The following MAGI2 variants were observed in gnomAD, a reference collection of about 807,000 sequenced individuals.
MAGI2 encodes membrane-associated guanylate kinase, WW and PDZ domain-containing protein 2.
In MAGI2, 35 loss-of-function variants were observed where a neutral mutation model predicts 133.3. That is an observed-to-expected ratio of 0.26 (90% CI 0.20 to 0.35). The LOEUF (loss-of-function observed/expected upper bound fraction) is 0.35. MAGI2 is among the 10% of genes least tolerant of loss of function. The probability of loss-of-function intolerance (pLI) is 1.00; values close to 1 mark genes in which losing one functional copy is unlikely to be tolerated. For missense variants in MAGI2, 1,636 were observed against 1,863.4 expected (o/e 0.88, Z 2.25); for synonymous variants, 729 against 710.6 (o/e 1.03, Z -0.41).
chr7:79,028,297 GTATA>G (rs201592550), intron 1 of MAGI2, among the ~76,000 whole-genome samples: 21 of 27,660 alleles, frequency 7.6e-4, no homozygotes, highest in Admixed American at 1.1e-3. Flanking sequence ...ATATATGTGT[GTATA>G]TATATATATA....
intron 1 of MAGI2, among the ~76,000 whole-genome samples, chr7:79,335,467 T>C (rs1333683109): frequency 6.6e-6 from 1 of 151,710 alleles, no homozygotes; most frequent in Non-Finnish European, 1.5e-5. Flanking sequence ...ATGGAAGAAA[T>C]TATAAAGGAA....
chr7:78,539,228 G>C (rs1265889929), intron 3 of MAGI2, among the ~76,000 whole-genome samples: 1 of 152,156 alleles, frequency 6.6e-6, no homozygotes, highest in Non-Finnish European at 1.5e-5. Flanking sequence ...ATAAAGGGAC[G>C]CTGAATTTTG....
chr7:78,704,613 A>T (rs1818417640), intron 2 of MAGI2, among the ~76,000 whole-genome samples: 1 of 152,084 alleles, frequency 6.6e-6, no homozygotes, highest in Admixed American at 6.6e-5. Flanking sequence ...TGTTCATCAC[A>T]GCACTATTCA....
intron 6 of MAGI2, among the ~76,000 whole-genome samples, chr7:78,420,353 A>C (rs1798685706): frequency 6.6e-6 from 1 of 152,196 alleles, no homozygotes; most frequent in Admixed American, 6.5e-5. Flanking sequence ...TCAAATAGAA[A>C]ATATGTAAAT....
At chr7:79,105,277 G>A (rs1019906712) in intron 1 of MAGI2, among the ~76,000 whole-genome samples, 7 of 152,176 alleles carry the variant, frequency 4.6e-5, no homozygotes, top group African/African-American at 1.7e-4. Flanking sequence ...TGTATTTAAA[G>A]ATTAATGATT....
At chr7:78,394,133 G>A (rs1329237811) in intron 6 of MAGI2, among the ~76,000 whole-genome samples, 1 of 152,108 alleles carries the variant, frequency 6.6e-6, no homozygotes, top group Admixed American at 6.5e-5. Context: ...GGAGGACCCA[G>A]CTCAAGAAGA....
At chr7:78,267,402 G>C (rs941897318) in intron 9 of MAGI2, among the ~76,000 whole-genome samples, 1 of 152,190 alleles carries the variant, frequency 6.6e-6, no homozygotes, top group African/African-American at 2.4e-5. Context: ...TGTTAAAAGG[G>C]AAATAGACTT....
chr7:79,314,362 G>A (rs535037810), intron 1 of MAGI2, among the ~76,000 whole-genome samples: 103 of 152,216 alleles, frequency 6.8e-4, no homozygotes, highest in Middle Eastern at 6.8e-3. Context: ...ACCTGCCTTG[G>A]CCTCCCAAAG....
chr7:78,233,500 G>A (rs1478998469), intron 10 of MAGI2, among the ~76,000 whole-genome samples: 1 of 152,186 alleles, frequency 6.6e-6, no homozygotes. Context: ...CAGATGTTAA[G>A]TAAAGGCTAT....
At chr7:78,962,636 A>C (rs1469372225) in intron 2 of MAGI2, among the ~76,000 whole-genome samples, 4 of 151,982 alleles carry the variant, frequency 2.6e-5, no homozygotes, top group African/African-American at 9.7e-5. Context: ...GATTCTATGA[A>C]TGTAATGGTT....
At position 79,453,246 on chromosome 7, in the gene MAGI2, C is replaced by T. The variant is rs377492683; in HGVS notation, c.75G>A (p.Glu25=). 1 of 1,613,764 alleles carries T rather than the reference C, an allele frequency of 6.2e-7. No homozygotes were observed. The highest frequency in any genetic ancestry group is 1.3e-5 in the African/African-American group (1 of 74,938). Residue 25 remains glutamate, a synonymous_variant, in exon 1 of 22, where the codon GAG becomes GAA. Transcript: ENST00000354212. ...VHESVIGRNP[E]GQLGFELKGG... Reference sequence around the variant, plus strand: ...CCTTCAGTTCAAAGCCCAGCTGGCCCTCCGGGTTCCTGCCAATGACACTCT... The same window carrying T: ...CCTTCAGTTCAAAGCCCAGCTGGCCTTCCGGGTTCCTGCCAATGACACTCT...
intron 2 of MAGI2, among the ~76,000 whole-genome samples, chr7:78,882,818 T>A (rs1795981052): frequency 6.6e-6 from 1 of 152,092 alleles, no homozygotes; most frequent in East Asian, 1.9e-4. Context: ...CCCTTCATGA[T>A]AGACACCCTC....
intron 2 of MAGI2, among the ~76,000 whole-genome samples, chr7:78,823,360 G>GGCAA (rs879654042): frequency 2.8e-4 from 42 of 152,162 alleles, no homozygotes; most frequent in Middle Eastern, 3.4e-3. Flanking sequence ...GAGGCGGGTG[G>GGCAA]ATCACGAGGT....
At chr7:79,139,026 G>T (rs904054993) in intron 1 of MAGI2, among the ~76,000 whole-genome samples, 13 of 148,254 alleles carry the variant, frequency 8.8e-5, no homozygotes, top group Non-Finnish European at 1.6e-4. Flanking sequence ...GCATGTGTGT[G>T]TACAGAGAAA....
intron 2 of MAGI2, among the ~76,000 whole-genome samples, chr7:78,919,749 C>G (rs1172170166): frequency 6.6e-6 from 1 of 152,134 alleles, no homozygotes; most frequent in Non-Finnish European, 1.5e-5. Flanking sequence ...ATATGACTCA[C>G]TTATAACAGA....
chr7:79,167,848 A>G (rs1825098805), intron 1 of MAGI2, among the ~76,000 whole-genome samples: 2 of 152,142 alleles, frequency 1.3e-5, no homozygotes, highest in South Asian at 2.1e-4. Context: ...CAGCACTGTG[A>G]CATGTTCATG....
At chr7:79,159,330 A>G (rs1387861691) in intron 1 of MAGI2, among the ~76,000 whole-genome samples, 1 of 151,992 alleles carries the variant, frequency 6.6e-6, no homozygotes, top group East Asian at 1.9e-4. Context: ...CCTGGCCAAC[A>G]TGGTGAAACC....
chr7:78,558,720 C>A (rs1470808165), intron 3 of MAGI2, among the ~76,000 whole-genome samples: 1 of 151,916 alleles, frequency 6.6e-6, no homozygotes, highest in African/African-American at 2.4e-5. Context: ...ACAAGTGTGA[C>A]AGTAATTGTA....
intron 1 of MAGI2, chr7:79,353,278 G>A (rs1050142639): frequency 2.4e-5 from 8 of 327,350 alleles, no homozygotes; most frequent in African/African-American, 1.7e-4. Context: ...CCCTGGCAGG[G>A]TGGTTTCCCA....
Sources: allele counts gnomAD v4.1 joint callset (sites outside exome capture counted in the v4.1 genomes callset), GRCh38; gene constraint gnomAD v4.1.1; transcripts MANE v1.5; gene names NCBI Gene and HGNC (gene_info 2026-07-23, HGNC 2026-07-21).